The following PIK3C2G variants were observed in gnomAD, a reference collection of about 807,000 sequenced individuals.
PIK3C2G encodes phosphatidylinositol 3-kinase C2 domain-containing subunit gamma.
PIK3C2G carries 168 observed loss-of-function variants against 181.1 expected under a neutral mutation model. The observed-to-expected ratio is 0.93, with a 90% confidence interval of 0.82 to 1.05. The LOEUF is 1.05. Ranked by LOEUF, PIK3C2G falls within the 50% of genes least tolerant of loss-of-function variation. The probability of loss-of-function intolerance (pLI) is 0.00; values close to 1 mark genes in which losing one functional copy is unlikely to be tolerated. For missense variants in PIK3C2G, 1,869 were observed against 1,732.8 expected, an observed-to-expected ratio of 1.08 and a Z score of -1.40; for synonymous variants, 573 against 592.2, an observed-to-expected ratio of 0.97 and a Z score of 0.47.
the PIK3C2G span, among the ~76,000 whole-genome samples, chr12:18,677,504 C>T: frequency 1.2e-3 from 185 of 152,098 alleles, 1 homozygote; most frequent in African/African-American, 4.2e-3. Context: ...TTCAGGAGGT[C>T]TAGGGTGAAG....
At chr12:18,351,228 TA>T (rs1940188159) in intron 11 of PIK3C2G, among the ~76,000 whole-genome samples, 1 of 151,936 alleles carries the variant, frequency 6.6e-6, no homozygotes. Flanking sequence ...TTAAAGGTAA[TA>T]AAAATATATA....
chr12:18,503,644 T>A (rs1941647399), intron 23 of PIK3C2G, among the ~76,000 whole-genome samples: 2 of 152,306 alleles, frequency 1.3e-5, no homozygotes, highest in African/African-American at 2.4e-5. Flanking sequence ...AATAAAGATT[T>A]TTTTTTGCTC....
chr12:18,642,693 G>A (rs1190709422), intron 32 of PIK3C2G, among the ~76,000 whole-genome samples: 1 of 151,850 alleles, frequency 6.6e-6, no homozygotes, highest in African/African-American at 2.4e-5. Context: ...TCTCCAGGGC[G>A]GGTTAAATGT....
At chr12:18,631,761 CT>C (rs1228540578) in intron 31 of PIK3C2G, among the ~76,000 whole-genome samples, 2 of 152,156 alleles carry the variant, frequency 1.3e-5, no homozygotes, top group Non-Finnish European at 1.5e-5. Context: ...ACCAGGAAAA[CT>C]GAGTAGCAGT....
At chr12:18,309,707 T>C (rs923818882) in intron 5 of PIK3C2G, among the ~76,000 whole-genome samples, 3 of 151,836 alleles carry the variant, frequency 2.0e-5, no homozygotes, top group Non-Finnish European at 4.4e-5. Context: ...ACAAAATTAA[T>C]AATTTTTACC....
intron 26 of PIK3C2G, among the ~76,000 whole-genome samples, chr12:18,561,609 GAACAGT>G (rs1204878309): frequency 6.6e-6 from 1 of 151,844 alleles, no homozygotes; most frequent in Non-Finnish European, 1.5e-5. Context: ...AAAAGGGAAC[GAACAGT>G]ATGAAAAAAG....
At chr12:18,415,118 A>G (rs552877268) in intron 16 of PIK3C2G, among the ~76,000 whole-genome samples, 1 of 152,236 alleles carries the variant, frequency 6.6e-6, no homozygotes. Flanking sequence ...TGAAAGAAAA[A>G]TGCAGGCATA....
chr12:18,696,156 G>T, the PIK3C2G span: 1 of 1,503,644 alleles, frequency 6.7e-7, no homozygotes, highest in Non-Finnish European at 9.2e-7. Flanking sequence ...ATACCCATTT[G>T]ACAACCTATA....
At chr12:18,270,441 T>C (rs1948700668) in intron 1 of PIK3C2G, among the ~76,000 whole-genome samples, 1 of 152,160 alleles carries the variant, frequency 6.6e-6, no homozygotes, top group Non-Finnish European at 1.5e-5. Context: ...TCCTTTAGTT[T>C]TGTAGAGTTA....
intron 18 of PIK3C2G, chr12:18,424,665 A>G (rs1219209085): frequency 4.4e-5 from 9 of 206,016 alleles, no homozygotes; most frequent in Non-Finnish European, 5.3e-5. Flanking sequence ...ACACCGAATT[A>G]AGATTGTCAA....
chr12:18,265,763 C>T (rs913169481), intron 1 of PIK3C2G, among the ~76,000 whole-genome samples: 2 of 151,940 alleles, frequency 1.3e-5, no homozygotes, highest in Admixed American at 1.3e-4. Flanking sequence ...CCTGTAATCC[C>T]AGCACTTTGG....
intron 18 of PIK3C2G, among the ~76,000 whole-genome samples, chr12:18,478,590 A>G (rs1939235715): frequency 2.0e-5 from 3 of 152,134 alleles, no homozygotes; most frequent in African/African-American, 7.2e-5. Flanking sequence ...CAGGTGTATG[A>G]TTTGCATCAT....
intron 12 of PIK3C2G, among the ~76,000 whole-genome samples, chr12:18,370,281 C>T (rs1941954574): frequency 6.6e-6 from 1 of 152,146 alleles, no homozygotes; most frequent in East Asian, 1.9e-4. Context: ...TGGACACTTC[C>T]TTACATATAT....
At chr12:18,658,503 C>T in the PIK3C2G span, among the ~76,000 whole-genome samples, 3 of 151,994 alleles carry the variant, frequency 2.0e-5, no homozygotes, top group Non-Finnish European at 4.4e-5. Flanking sequence ...TTACCACAGA[C>T]CATGGAGGCC....
chr12:18,316,410 T>A (rs1950864251), intron 6 of PIK3C2G, among the ~76,000 whole-genome samples: 1 of 152,192 alleles, frequency 6.6e-6, no homozygotes, highest in South Asian at 2.1e-4. Context: ...TCTGGGTGTA[T>A]AATGTGTAGT....
intron 31 of PIK3C2G, among the ~76,000 whole-genome samples, chr12:18,627,005 T>C (rs924940363): frequency 6.6e-6 from 1 of 151,988 alleles, no homozygotes. Flanking sequence ...TTAATTCCTT[T>C]TACTCATGGC....
chr12:18,286,020 C>T (rs1949429465), intron 2 of PIK3C2G, among the ~76,000 whole-genome samples: 1 of 151,626 alleles, frequency 6.6e-6, no homozygotes, highest in South Asian at 2.1e-4. Flanking sequence ...GAAAAAAATG[C>T]TTGTATGATT....
At chr12:18,467,167 C>T (rs1332835906) in intron 18 of PIK3C2G, among the ~76,000 whole-genome samples, 1 of 151,922 alleles carries the variant, frequency 6.6e-6, no homozygotes, top group East Asian at 1.9e-4. Flanking sequence ...AATGGAACAG[C>T]CTCATTAATT....
At chr12:18,290,615 C>A (rs551589679) in intron 3 of PIK3C2G, among the ~76,000 whole-genome samples, 1 of 152,138 alleles carries the variant, frequency 6.6e-6, no homozygotes, top group Non-Finnish European at 1.5e-5. Context: ...AAATGAGATG[C>A]TCCTGGGAAA....
Sources: allele counts gnomAD v4.1 joint callset (sites outside exome capture counted in the v4.1 genomes callset), GRCh38; gene constraint gnomAD v4.1.1; transcripts MANE v1.5; gene names NCBI Gene and HGNC (gene_info 2026-07-23, HGNC 2026-07-21).